Variants in PDE10A observed in about 807,000 individuals in gnomAD.
The protein encoded by PDE10A is phosphodiesterase 10A.
In PDE10A, 39 loss-of-function variants were observed where a neutral mutation model predicts 97.7. The observed-to-expected ratio is 0.40, with a 90% CI of 0.31 to 0.52. The LOEUF (loss-of-function observed/expected upper bound fraction) is 0.52. Ranked by LOEUF, PDE10A falls within the 20% of genes least tolerant of loss-of-function variation. The pLI, the probability that PDE10A is intolerant of heterozygous loss-of-function variation, is 0.56. For synonymous variants in PDE10A, 371 were observed against 376.8 expected (o/e 0.98, Z 0.18); for missense variants, 731 against 1,047.8 (o/e 0.70, Z 4.17).
intron 1 of PDE10A, among the ~76,000 whole-genome samples, chr6:165,964,687 T>C (rs535068022): frequency 6.6e-6 from 1 of 152,288 alleles, no homozygotes; most frequent in East Asian, 1.9e-4. Flanking sequence ...GTGCCCAATT[T>C]AGAAGGAGAT....
At chr6:165,792,574 T>G (rs1778689482) in intron 1 of PDE10A, among the ~76,000 whole-genome samples, 2 of 152,050 alleles carry the variant, frequency 1.3e-5, no homozygotes, top group Admixed American at 1.3e-4. Flanking sequence ...GTCTCCCCAG[T>G]CTCCGCTGCA....
intron 13 of PDE10A, among the ~76,000 whole-genome samples, chr6:165,403,811 A>T (rs1401690674): frequency 6.6e-6 from 1 of 152,124 alleles, no homozygotes; most frequent in African/African-American, 2.4e-5. Context: ...CCCATAAGTG[A>T]GTCAGACGTG....
At chr6:165,787,167 G>A (rs1032365386) in intron 1 of PDE10A, among the ~76,000 whole-genome samples, 3 of 151,714 alleles carry the variant, frequency 2.0e-5, no homozygotes, top group African/African-American at 7.3e-5. Context: ...CCAAGTAGAA[G>A]TACTATAGGT....
At chr6:165,797,135 G>A (rs1778851865) in intron 1 of PDE10A, among the ~76,000 whole-genome samples, 1 of 152,176 alleles carries the variant, frequency 6.6e-6, no homozygotes, top group African/African-American at 2.4e-5. Context: ...ACATTCAGGC[G>A]ATGGAGTTCA....
intron 1 of PDE10A, among the ~76,000 whole-genome samples, chr6:165,619,294 CTAGTG>C (rs768704480): frequency 1.4e-4 from 6 of 44,220 alleles, no homozygotes; most frequent in Admixed American, 6.5e-4. Context: ...CTAGCATAGT[CTAGTG>C]TAGTGTAGTG....
At position 165,332,295 on chromosome 6, in the gene PDE10A, A is replaced by T. The variant is rs998980479; in HGVS notation, c.*730T>A. 2 of 152,368 alleles carry T rather than the reference A, an allele frequency of 1.3e-5. No individual in the cohort carries two copies. The highest frequency in any genetic ancestry group is 1.3e-4 in the Admixed American group (2 of 15,300). The allele number at this position is 152,368 out of a possible 1,614,324, so 9.4% of individuals were successfully genotyped here. A position where few individuals can be genotyped will look rare whatever the true frequency, so the allele number is the denominator to read the frequency against. On this transcript the variant is annotated 3_prime_UTR_variant, in exon 22 of 22. Transcript: ENST00000539869. ...TGACATCTTTTGAACTGCTACTTGA[A>T]GTTCTGAGATTTATTGTAACATATA...
intron 1 of PDE10A, among the ~76,000 whole-genome samples, chr6:165,652,653 T>A (rs1419369456): frequency 6.6e-6 from 1 of 152,204 alleles, no homozygotes; most frequent in East Asian, 1.9e-4. Context: ...GGACTGCAAC[T>A]CTGCAGTTAC....
intron 1 of PDE10A, among the ~76,000 whole-genome samples, chr6:165,890,236 C>T (rs1348483700): frequency 1.3e-5 from 2 of 152,226 alleles, no homozygotes; most frequent in African/African-American, 2.4e-5. Flanking sequence ...ACTTTCCCCA[C>T]GTGCGGAGCC....
chr6:165,482,431 T>C, intron 2 of PDE10A, 88 bp from the exon 3 acceptor site: 11 of 1,017,582 alleles, frequency 1.1e-5, no homozygotes, highest in Non-Finnish European at 1.6e-5. Context: ...TTCAATAAAC[T>C]TGAAGGGTTT....
intron 3 of PDE10A, among the ~76,000 whole-genome samples, chr6:165,476,327 G>T (rs2128277036): frequency 6.6e-6 from 1 of 152,264 alleles, no homozygotes; most frequent in Admixed American, 6.5e-5. Flanking sequence ...AACAATGAGA[G>T]ATTATCAACA....
chr6:165,972,810 A>G (rs1033288705), intron 1 of PDE10A, among the ~76,000 whole-genome samples: 5 of 152,222 alleles, frequency 3.3e-5, no homozygotes, highest in Non-Finnish European at 7.3e-5. Context: ...TGTGACCAAG[A>G]TACCTGTAAA....
At chr6:165,955,332 C>T (rs902633873) in intron 1 of PDE10A, among the ~76,000 whole-genome samples, 1 of 152,188 alleles carries the variant, frequency 6.6e-6, no homozygotes, top group African/African-American at 2.4e-5. Flanking sequence ...TGGATCTTTG[C>T]GATAACTTCC....
chr6:165,507,144 T>C (rs1781243653), intron 2 of PDE10A, among the ~76,000 whole-genome samples: 1 of 152,084 alleles, frequency 6.6e-6, no homozygotes, highest in Admixed American at 6.6e-5. Flanking sequence ...GGAGTTGAAA[T>C]TTTGTCCTAT....
chr6:165,972,051 A>C (rs1784691604), intron 1 of PDE10A, among the ~76,000 whole-genome samples: 1 of 152,170 alleles, frequency 6.6e-6, no homozygotes, highest in Admixed American at 6.5e-5. Flanking sequence ...TGAGGGGGTG[A>C]AAGAAAAGGT....
chr6:165,866,103 T>C (rs924713681), intron 1 of PDE10A, among the ~76,000 whole-genome samples: 2 of 152,058 alleles, frequency 1.3e-5, no homozygotes, highest in Non-Finnish European at 2.9e-5. Flanking sequence ...CAAATGTAAG[T>C]GGTTTAAATC....
intron 1 of PDE10A, among the ~76,000 whole-genome samples, chr6:165,686,228 C>T (rs1791113269): frequency 6.6e-6 from 1 of 151,900 alleles, no homozygotes; most frequent in Non-Finnish European, 1.5e-5. Flanking sequence ...CGCTACACTC[C>T]AAAGTGTGGG....
At chr6:165,440,023 C>A (rs950169241) in intron 5 of PDE10A, among the ~76,000 whole-genome samples, 1 of 152,064 alleles carries the variant, frequency 6.6e-6, no homozygotes, top group African/African-American at 2.4e-5. Flanking sequence ...CTTCAACTTA[C>A]AACCAGTTAA....
chr6:165,966,001 G>A (rs1335683609), intron 1 of PDE10A, among the ~76,000 whole-genome samples: 1 of 152,254 alleles, frequency 6.6e-6, no homozygotes, highest in Non-Finnish European at 1.5e-5. Context: ...CATAGATTTA[G>A]GGGGAATCAC....
chr6:165,441,900 T>G (rs1790496227), intron 5 of PDE10A, among the ~76,000 whole-genome samples: 1 of 152,256 alleles, frequency 6.6e-6, no homozygotes, highest in African/African-American at 2.4e-5. Context: ...TTATCATTTG[T>G]ATTTAATAGG....
Sources: allele counts gnomAD v4.1 joint callset (sites outside exome capture counted in the v4.1 genomes callset), GRCh38; gene constraint gnomAD v4.1.1; transcripts MANE v1.5; gene names NCBI Gene and HGNC (gene_info 2026-07-23, HGNC 2026-07-21).